The following ADAMTSL3 variants were observed in gnomAD, a reference collection of about 807,000 sequenced individuals.
The protein encoded by ADAMTSL3 is ADAMTS-like protein 3.
ADAMTSL3 carries 128 observed loss-of-function variants against 201.7 expected under a neutral mutation model. The ratio of observed to expected loss-of-function variants is 0.63; its 90% confidence interval spans 0.55 to 0.73. ADAMTSL3 has a LOEUF of 0.73. ADAMTSL3 is among the 30% of genes least tolerant of loss of function. The probability of loss-of-function intolerance (pLI) is 0.00; values close to 1 mark genes in which losing one functional copy is unlikely to be tolerated. For synonymous variants in ADAMTSL3, 738 were observed against 748.4 expected (o/e 0.99, Z 0.23); for missense variants, 1,990 against 2,119.6 (o/e 0.94, Z 1.20).
intron 2 of ADAMTSL3, among the ~76,000 whole-genome samples, chr15:83,661,403 C>G (rs57666194): frequency 0.1 from 15,174 of 151,376 alleles, 942 homozygotes; most frequent in East Asian, 0.35. Context: ...ATTGATTCTT[C>G]CTACCCATGA....
chr15:83,942,855 A>T (rs1476855814), intron 18 of ADAMTSL3, 48 bp from the exon 19 acceptor site: 2 of 1,606,626 alleles, frequency 1.2e-6, no homozygotes, highest in Admixed American at 3.4e-5. Flanking sequence ...CACTGCACTA[A>T]CATAGAGTGG....
intron 5 of ADAMTSL3, 145 bp downstream of exon 5, chr15:83,804,840 G>C: frequency 1.9e-6 from 1 of 540,512 alleles, no homozygotes; most frequent in South Asian, 4.4e-5. Context: ...AACAGATTTT[G>C]TATATCAAAT....
chr15:83,752,882 GT>G (rs2062660206), intron 3 of ADAMTSL3, among the ~76,000 whole-genome samples: 1 of 152,108 alleles, frequency 6.6e-6, no homozygotes, highest in African/African-American at 2.4e-5. Context: ...TCGCCTTTAG[GT>G]TTGTTCAACT....
At position 83,837,765 on chromosome 15, in the gene ADAMTSL3, G is replaced by A. The variant is rs11858493; in HGVS notation, c.601-324G>A. On this transcript the variant is annotated intron_variant, in intron 6 of 29. Transcript: ENST00000286744. ...TGCAGTGAGCCACAATCCCACTATT[G>A]CACTCCAACCTGGGCAACAGAGTGA... 8.9e-3 allele frequency among the ~76,000 whole-genome samples: 1,337 copies of A among 150,404 alleles called. 17 individuals carry two copies. The highest frequency in any genetic ancestry group is 0.03 in the African/African-American group (1,248 of 40,970).
intron 28 of ADAMTSL3, among the ~76,000 whole-genome samples, chr15:84,033,160 T>C (rs2068439481): frequency 6.6e-6 from 1 of 152,158 alleles, no homozygotes; most frequent in Non-Finnish European, 1.5e-5. Flanking sequence ...TCACCTGGTA[T>C]ACTGTCACAG....
chr15:83,965,668 C>G (rs1398185849), intron 19 of ADAMTSL3, among the ~76,000 whole-genome samples: 1 of 152,224 alleles, frequency 6.6e-6, no homozygotes, highest in Non-Finnish European at 1.5e-5. Flanking sequence ...GAACTCAGCT[C>G]TGGACCAAGT....
chr15:83,952,276 T>G (rs906243772), intron 19 of ADAMTSL3, among the ~76,000 whole-genome samples: 1 of 152,210 alleles, frequency 6.6e-6, no homozygotes, highest in Non-Finnish European at 1.5e-5. Context: ...AAAATTTCTC[T>G]TGTTATTGAT....
chr15:83,928,830 C>T (rs536565445), intron 17 of ADAMTSL3, among the ~76,000 whole-genome samples: 5 of 152,294 alleles, frequency 3.3e-5, no homozygotes, highest in Admixed American at 2.6e-4. Context: ...CATTTTCCCC[C>T]ACTTTATCAT....
chr15:83,935,292 G>C (rs936539992), intron 17 of ADAMTSL3, among the ~76,000 whole-genome samples: 5 of 152,126 alleles, frequency 3.3e-5, no homozygotes, highest in Non-Finnish European at 1.5e-5. Flanking sequence ...AAAAAAGTTA[G>C]GAAATGTTCT....
chr15:84,034,321 AGGGCCTCAG>A (rs577137909), intron 28 of ADAMTSL3, among the ~76,000 whole-genome samples: 59 of 152,116 alleles, frequency 3.9e-4, no homozygotes, highest in Non-Finnish European at 7.9e-4. Context: ...TTGCCATAGT[AGGGCCTCAG>A]GAAATGTTAG....
chr15:83,872,627 C>CACACACACACACACACACACAG (rs6145659), intron 9 of ADAMTSL3, among the ~76,000 whole-genome samples: 11,058 of 140,704 alleles, frequency 0.079, 625 homozygotes, highest in Middle Eastern at 0.14. Context: ...CACACACACA[C>CACACACACACACACACACACAG]AGAGTTTTTG....
intron 3 of ADAMTSL3, among the ~76,000 whole-genome samples, chr15:83,748,713 GAAGA>G (rs1216223824): frequency 1.4e-5 from 2 of 143,588 alleles, no homozygotes; most frequent in African/African-American, 5.2e-5. Context: ...AGAAAAGAAA[GAAGA>G]AAGAAACACA....
At chr15:83,666,329 GAC>G (rs2061247668) in intron 2 of ADAMTSL3, among the ~76,000 whole-genome samples, 2 of 152,132 alleles carry the variant, frequency 1.3e-5, no homozygotes, top group South Asian at 4.1e-4. Flanking sequence ...TGTTTGTTAA[GAC>G]ACATAATTTT....
At chr15:84,020,705 T>A (rs913972151) in intron 25 of ADAMTSL3, among the ~76,000 whole-genome samples, 14 of 152,216 alleles carry the variant, frequency 9.2e-5, no homozygotes, top group Admixed American at 2.6e-4. Context: ...CATCATCATG[T>A]CCTACCTCAT....
At chr15:83,978,358 A>G (rs2067323644) in intron 20 of ADAMTSL3, among the ~76,000 whole-genome samples, 1 of 151,986 alleles carries the variant, frequency 6.6e-6, no homozygotes, top group African/African-American at 2.4e-5. Flanking sequence ...CATTTTCTAG[A>G]ATGTGGCATT....
At chr15:83,898,162 A>G (rs2065653925) in intron 14 of ADAMTSL3, among the ~76,000 whole-genome samples, 157 bp downstream of exon 14, 1 of 152,170 alleles carries the variant, frequency 6.6e-6, no homozygotes, top group South Asian at 2.1e-4. Context: ...GAAGTTAGAT[A>G]TATGTGAATT....
At chr15:83,758,163 T>G (rs933055942) in intron 3 of ADAMTSL3, among the ~76,000 whole-genome samples, 12 of 152,312 alleles carry the variant, frequency 7.9e-5, no homozygotes, top group East Asian at 1.9e-4. Flanking sequence ...ACCAATTTAC[T>G]GTATTAGTCC....
At chr15:83,921,886 A>C (rs2066152271) in intron 16 of ADAMTSL3, among the ~76,000 whole-genome samples, 2 of 151,478 alleles carry the variant, frequency 1.3e-5, no homozygotes, top group Non-Finnish European at 2.9e-5. Flanking sequence ...GGGTCTCACT[A>C]TGTTGCCACA....
chr15:83,783,442 C>G (rs1017337467), intron 4 of ADAMTSL3, among the ~76,000 whole-genome samples: 3 of 152,032 alleles, frequency 2.0e-5, no homozygotes, highest in Non-Finnish European at 2.9e-5. Flanking sequence ...GGACTAATTA[C>G]TTTGGTTAAA....
Sources: gnomAD v4.1 joint callset for allele counts (sites outside exome capture counted in the v4.1 genomes callset) on GRCh38, gnomAD v4.1.1 for gene constraint, MANE v1.5 for transcripts, NCBI Gene and HGNC (gene_info 2026-07-23, HGNC 2026-07-21) for gene names.